Variants in WDR64 observed in about 807,000 individuals in gnomAD.
WDR64 encodes WD repeat-containing protein 64.
In WDR64, 112 loss-of-function variants were observed where a neutral mutation model predicts 139.3. The ratio of observed to expected loss-of-function variants is 0.80; its 90% CI spans 0.69 to 0.94. The LOEUF is 0.94. Ranked by LOEUF, WDR64 falls within the 40% of genes least tolerant of loss-of-function variation. The probability of loss-of-function intolerance (pLI) is 0.00; values close to 1 mark genes in which losing one functional copy is unlikely to be tolerated. For missense variants in WDR64, 1,206 were observed against 1,293.1 expected, an observed-to-expected ratio of 0.93 and a Z score of 1.03; for synonymous variants, 444 against 437.7, an observed-to-expected ratio of 1.01 and a Z score of -0.18.
chr1:241,713,337 AAGGG>A (rs80265012), intron 9 of WDR64, among the ~76,000 whole-genome samples: 8 of 93,472 alleles, frequency 8.6e-5, no homozygotes, highest in Middle Eastern at 5.4e-3. Flanking sequence ...GGAAGGAAGG[AAGGG>A]AGGGAGGGAG....
At chr1:241,661,744 C>A (rs1193859576) in intron 2 of WDR64, among the ~76,000 whole-genome samples, 1 of 152,192 alleles carries the variant, frequency 6.6e-6, no homozygotes, top group Non-Finnish European at 1.5e-5. Context: ...AAGCCAGAAA[C>A]GTACTTCATT....
chr1:241,772,857 A>C lies in WDR64; in HGVS notation c.2356A>C (p.Asn786His). The change falls in exon 20 of 28, where the codon AAT (asparagine) becomes CAT (histidine). Residue 786 changes from asparagine (N) to histidine (H), a missense_variant. Physicochemically the swap from Asn to His is moderately conservative, Grantham distance 68. Coordinates refer to ENST00000437684, the MANE Select transcript of WDR64 (RefSeq NM_001367482.1). ...GGACAAAAAACACCCTGGAATTGCC[A>C]ATTTACCAGAAGCCCAGCCACCTAT... The part of the protein sequence containing the change: ...PMDKKHPGIA[N>H]LPEAQPPILV... 2 of 1,552,102 alleles carry C rather than the reference A, an allele frequency of 1.3e-6. No individual in the cohort carries two copies. Among genetic ancestry groups the C allele is most frequent in the Non-Finnish European group, 8.7e-7 (1 of 1,147,068 alleles).
chr1:241,706,317 A>G (rs1667952010), intron 8 of WDR64, among the ~76,000 whole-genome samples: 1 of 152,230 alleles, frequency 6.6e-6, no homozygotes, highest in Non-Finnish European at 1.5e-5. Flanking sequence ...GCTTCGCTGG[A>G]GCCATCCTAA....
chr1:241,787,776 C>T (rs999769236), intron 23 of WDR64, 73 bp from the exon 24 acceptor site: 51 of 1,322,300 alleles, frequency 3.9e-5, no homozygotes, highest in African/African-American at 2.3e-4. Context: ...TTTACATAAA[C>T]GATCTAATGA....
chr1:241,690,976 G>A (rs1021009371), intron 8 of WDR64, among the ~76,000 whole-genome samples: 1 of 152,038 alleles, frequency 6.6e-6, no homozygotes, highest in Admixed American at 6.6e-5. Flanking sequence ...TATTTGCTAT[G>A]TGTAAGCAAA....
intron 23 of WDR64, 34 bp downstream of exon 23, chr1:241,783,415 T>C (rs750879338): frequency 2.1e-5 from 31 of 1,504,084 alleles, no homozygotes; most frequent in Non-Finnish European, 2.8e-5. Flanking sequence ...GTGAATTCAG[T>C]ACTGTGAGCA....
chr1:241,679,827 A>AG (rs986286545), intron 6 of WDR64, among the ~76,000 whole-genome samples: 6 of 152,028 alleles, frequency 3.9e-5, no homozygotes, highest in Non-Finnish European at 7.4e-5. Flanking sequence ...TTTTTGAGAG[A>AG]GGGGGTAATT....
intron 16 of WDR64, among the ~76,000 whole-genome samples, chr1:241,767,712 T>C (rs1658241691): frequency 9.2e-6 from 1 of 108,548 alleles, no homozygotes; most frequent in Non-Finnish European, 2.1e-5. Flanking sequence ...CATCCAAGCC[T>C]GAGTCATTTC....
rs555748235 is a variant in WDR64 at position 241,774,415 on chromosome 1, TAGG to T, written c.2431-684_2431-682del. ...TACAGAAATGAAAGAGTAAAAGAAA[TAGG>T]AGGAGAAGAGATTATGTCCAAGCAG... is the stretch of plus-strand genomic sequence containing the variant. On this transcript the variant is annotated intron_variant, in intron 20 of 27. Coordinates refer to ENST00000437684, the MANE Select transcript of WDR64 (RefSeq NM_001367482.1). Among the ~76,000 whole-genome samples, 84 of 152,128 alleles carry T rather than the reference TAGG, an allele frequency of 5.5e-4. 1 individual carries two copies. Among genetic ancestry groups the T allele is most frequent in the African/African-American group, 2.0e-3 (83 of 41,496 alleles).
At chr1:241,675,958 C>A (rs1434379183) in intron 4 of WDR64, 1 of 152,130 alleles carries the variant, frequency 6.6e-6, no homozygotes, top group African/African-American at 2.4e-5. Context: ...AAAGATGAAT[C>A]TTTGGTGTTA....
rs531211389 is a variant in WDR64 at position 241,730,281 on chromosome 1, T to A, written c.1194+6845T>A. Among the ~76,000 whole-genome samples, 21 of 152,286 alleles carry A rather than the reference T, an allele frequency of 1.4e-4. No homozygotes were observed. The South Asian group carries it at 4.4e-3, about 32-fold the overall frequency. The stretch of plus-strand genomic sequence containing the variant: ...TAGCTCTGAGTCCTGGGAGCAAACA[T>A]GCCTACCAAGACCAGGAAGCAGTCC... On this transcript the variant is annotated intron_variant, in intron 10 of 27. Transcript: ENST00000437684.
At chr1:241,734,235 G>A (rs1430613407) in intron 10 of WDR64, among the ~76,000 whole-genome samples, 1 of 151,966 alleles carries the variant, frequency 6.6e-6, no homozygotes, top group East Asian at 1.9e-4. Context: ...CTTAACCAAT[G>A]TACATCTTAC....
At chr1:241,674,582 T>C in intron 3 of WDR64, 62 bp from the exon 4 acceptor site, 1 of 1,124,784 alleles carries the variant, frequency 8.9e-7, no homozygotes, top group Non-Finnish European at 1.3e-6. Flanking sequence ...AAAACAAATC[T>C]AACAAATGAG....
chr1:241,670,567 T>C (rs1213314285), intron 2 of WDR64, among the ~76,000 whole-genome samples: 1 of 152,196 alleles, frequency 6.6e-6, no homozygotes, highest in Admixed American at 6.5e-5. Context: ...GCATTATCAG[T>C]ATACAGTTTG....
In WDR64 at chr1:241,664,912, T is replaced by G. The variant is rs1665972776; in HGVS notation, c.276+4252T>G. The stretch of plus-strand genomic sequence containing the variant: ...GTAGTAAGTTCATGTGACATTATCC[T>G]GGGGCCAGGTGCGGTGTCTAATGCC... On this transcript the variant is annotated intron_variant, in intron 2 of 27. Transcript: ENST00000437684. Among the ~76,000 whole-genome samples the G allele has an allele frequency of 2.6e-5, 4 of 152,114 alleles. No homozygotes were observed. The South Asian group carries it at 8.3e-4, about 32-fold the overall frequency.
At position 241,766,288 on chromosome 1, in the gene WDR64, C is replaced by A. The variant is rs145632789; in HGVS notation, c.2018C>A (p.Ala673Glu). 1 of 1,614,096 alleles carries A rather than the reference C, an allele frequency of 6.2e-7. No homozygotes were observed. The highest frequency in any genetic ancestry group is 2.2e-5 in the East Asian group (1 of 44,888). Residue 673 changes from alanine to glutamate, a missense_variant, in exon 16 of 28, where the codon GCA (alanine) becomes GAA (glutamate). By Grantham distance (107) the Ala-to-Glu change is moderately radical (BLOSUM62 -1). Coordinates refer to ENST00000437684, the MANE Select transcript of WDR64 (RefSeq NM_001367482.1). ...CAAGTAGAAGGATATAATTTGATAG[C>A]AGCTGGAACCTTAAATGGTGTGATC... is the stretch of plus-strand genomic sequence containing the variant. ...LLQVEGYNLI[A>E]AGTLNGVIIL...
intron 14 of WDR64, 82 bp downstream of exon 14, chr1:241,749,804 T>TA (rs1477187938): frequency 1.4e-6 from 2 of 1,443,124 alleles, no homozygotes; most frequent in East Asian, 4.6e-5. Context: ...CCCCACCATG[T>TA]AACCCCGCTC....
At chr1:241,679,255 G>A (rs754011561) in intron 5 of WDR64, among the ~76,000 whole-genome samples, 10 of 152,090 alleles carry the variant, frequency 6.6e-5, no homozygotes, top group African/African-American at 9.7e-5. Context: ...CAATCCTATC[G>A]CTAACTGAAT....
chr1:241,668,552 G>A (rs545328813), intron 2 of WDR64, among the ~76,000 whole-genome samples: 1 of 152,018 alleles, frequency 6.6e-6, no homozygotes, highest in East Asian at 1.9e-4. Flanking sequence ...TCAATTTACC[G>A]AAGTGCCCAC....
Sources: allele counts gnomAD v4.1 joint callset (sites outside exome capture counted in the v4.1 genomes callset), GRCh38; gene constraint gnomAD v4.1.1; transcripts MANE v1.5; gene names NCBI Gene and HGNC (gene_info 2026-07-23, HGNC 2026-07-21).